The following CTNNA2 variants were observed in gnomAD, a reference collection of about 807,000 sequenced individuals.
CTNNA2 encodes catenin alpha-2.
In CTNNA2, 42 loss-of-function variants were observed where a neutral mutation model predicts 101.0. That is an observed-to-expected ratio of 0.42 (90% CI 0.32 to 0.54). CTNNA2 has a LOEUF of 0.54. CTNNA2 is among the 20% of genes least tolerant of loss of function. CTNNA2 has a pLI of 0.14. For missense variants in CTNNA2, 871 were observed against 1,223.1 expected, an observed-to-expected ratio of 0.71 and a Z score of 4.29; for synonymous variants, 450 against 456.4, an observed-to-expected ratio of 0.99 and a Z score of 0.18.
At chr2:79,330,813 C>T (rs1306270681) in intron 3 of CTNNA2, among the ~76,000 whole-genome samples, 1 of 152,164 alleles carries the variant, frequency 6.6e-6, no homozygotes, top group East Asian at 1.9e-4. Context: ...GTGAGGCCTC[C>T]CCAGCCATGT....
intron 8 of CTNNA2, among the ~76,000 whole-genome samples, chr2:80,402,223 A>G (rs1162928234): frequency 1.3e-5 from 2 of 152,218 alleles, no homozygotes; most frequent in Non-Finnish European, 2.9e-5. Flanking sequence ...GAAGGGGCTC[A>G]GAGCTTCCAT....
intron 3 of CTNNA2, among the ~76,000 whole-genome samples, chr2:79,323,615 C>G (rs1676675926): frequency 6.6e-6 from 1 of 152,078 alleles, no homozygotes; most frequent in Admixed American, 6.5e-5. Context: ...TTCATGTTGC[C>G]ACAAGTTTCA....
chr2:80,025,034 C>G (rs966336056), intron 7 of CTNNA2, among the ~76,000 whole-genome samples: 3 of 152,168 alleles, frequency 2.0e-5, no homozygotes, highest in Non-Finnish European at 4.4e-5. Flanking sequence ...CCCGGCCAAG[C>G]TCTTCTCTGA....
intron 1 of CTNNA2, among the ~76,000 whole-genome samples, chr2:79,601,245 C>G (rs1004805457): frequency 1.3e-5 from 2 of 152,138 alleles, no homozygotes; most frequent in Non-Finnish European, 2.9e-5. Context: ...AGAAACATAA[C>G]CCAAGATAAG....
intron 1 of CTNNA2, among the ~76,000 whole-genome samples, chr2:79,597,465 C>CA (rs35049509): frequency 0.027 from 3,757 of 138,672 alleles, 136 homozygotes; most frequent in African/African-American, 0.087. Context: ...GAGCGGGTCT[C>CA]AAAAAAAAAA....
chr2:80,607,523 C>T (rs1698131698), intron 16 of CTNNA2, among the ~76,000 whole-genome samples: 1 of 151,830 alleles, frequency 6.6e-6, no homozygotes, highest in South Asian at 2.1e-4. Flanking sequence ...CATCAAAGGA[C>T]TCTGTTGCTA....
intron 7 of CTNNA2, among the ~76,000 whole-genome samples, chr2:79,947,906 C>T (rs986798727): frequency 6.6e-6 from 1 of 152,026 alleles, no homozygotes. Context: ...TTTGATAAGG[C>T]GGTAAAAAAT....
intron 3 of CTNNA2, among the ~76,000 whole-genome samples, chr2:79,815,236 C>T (rs1558953629): frequency 6.6e-6 from 1 of 152,136 alleles, no homozygotes; most frequent in East Asian, 1.9e-4. Context: ...GTTTACTCTG[C>T]TGACTGTTCT....
chr2:80,369,174 C>T (rs77352109), intron 7 of CTNNA2, among the ~76,000 whole-genome samples: 6,365 of 152,052 alleles, frequency 0.042, 455 homozygotes, highest in African/African-American at 0.14. Flanking sequence ...CCATCTTATT[C>T]TTATCTTTTT....
chr2:79,720,691 A>G (rs901595179), intron 2 of CTNNA2, among the ~76,000 whole-genome samples: 1 of 152,084 alleles, frequency 6.6e-6, no homozygotes, highest in Non-Finnish European at 1.5e-5. Context: ...TTCAGCATGG[A>G]CACCATTGGT....
At chr2:80,127,747 A>C (rs1702215362) in intron 7 of CTNNA2, among the ~76,000 whole-genome samples, 1 of 152,168 alleles carries the variant, frequency 6.6e-6, no homozygotes, top group East Asian at 1.9e-4. Flanking sequence ...CAAGACACTA[A>C]TGCCAAATGT....
intron 5 of CTNNA2, chr2:79,505,329 C>A (rs536364022): frequency 6.6e-6 from 1 of 152,142 alleles, no homozygotes; most frequent in Non-Finnish European, 1.5e-5. Flanking sequence ...TTAAATTCTA[C>A]GTGTTTGAAC....
intron 9 of CTNNA2, among the ~76,000 whole-genome samples, chr2:80,466,549 A>AT (rs1684867848): frequency 6.6e-6 from 1 of 152,166 alleles, no homozygotes; most frequent in Non-Finnish European, 1.5e-5. Flanking sequence ...TGTAGACAAT[A>AT]TTTTTGCAAA....
intron 18 of CTNNA2, among the ~76,000 whole-genome samples, chr2:80,646,153 T>C (rs1290813201): frequency 1.3e-5 from 2 of 152,078 alleles, no homozygotes; most frequent in Admixed American, 6.6e-5. Flanking sequence ...TCACGTCAGA[T>C]GGAAGAACCA....
chr2:79,869,589 C>T (rs1682428340), intron 4 of CTNNA2, among the ~76,000 whole-genome samples: 1 of 152,060 alleles, frequency 6.6e-6, no homozygotes, highest in South Asian at 2.1e-4. Flanking sequence ...TTTATATGCA[C>T]CAGGAGTTCA....
At chr2:79,570,611 A>T (rs184413742) in intron 1 of CTNNA2, among the ~76,000 whole-genome samples, 1 of 152,312 alleles carries the variant, frequency 6.6e-6, no homozygotes, top group East Asian at 1.9e-4. Flanking sequence ...TTTTATAAAG[A>T]GGAAAAAAGA....
intron 16 of CTNNA2, 91 bp from the exon 17 acceptor site, chr2:80,608,093 T>A: frequency 7.5e-7 from 1 of 1,332,314 alleles, no homozygotes; most frequent in Non-Finnish European, 1.0e-6. Context: ...TATATGACAC[T>A]GAAAACTTTT....
At chr2:79,658,578 G>C (rs77189319) in intron 2 of CTNNA2, among the ~76,000 whole-genome samples, 14,595 of 152,050 alleles carry the variant, frequency 0.096, 870 homozygotes, top group East Asian at 0.26. Flanking sequence ...ACGGAAACCT[G>C]TGAAGTTATT....
chr2:79,965,773 A>G (rs1254379020), intron 7 of CTNNA2, among the ~76,000 whole-genome samples: 3 of 149,704 alleles, frequency 2.0e-5, no homozygotes, highest in African/African-American at 7.5e-5. Flanking sequence ...GCAGTGAGAC[A>G]AGATGGCACC....
Sources: allele counts gnomAD v4.1 joint callset (sites outside exome capture counted in the v4.1 genomes callset), GRCh38; gene constraint gnomAD v4.1.1; transcripts MANE v1.5; gene names NCBI Gene and HGNC (gene_info 2026-07-23, HGNC 2026-07-21).